SCHIP1: variants seen among roughly 807,000 people sequenced by gnomAD.
The protein encoded by SCHIP1 is schwannomin interacting protein 1.
Under a neutral mutation model 29.7 loss-of-function variants are expected in SCHIP1, and 8 were observed. That is an observed-to-expected ratio of 0.27 (90% CI 0.16 to 0.49). SCHIP1 has a LOEUF of 0.49. SCHIP1 is among the 20% of genes least tolerant of loss of function. SCHIP1 has a pLI of 0.99. For missense variants in SCHIP1, 193 were observed against 294.6 expected (o/e 0.66, Z 2.52); for synonymous variants, 76 against 94.9 (o/e 0.80, Z 1.16).
the SCHIP1 span, among the ~76,000 whole-genome samples, chr3:159,398,294 C>T: frequency 2.0e-5 from 3 of 152,236 alleles, no homozygotes; most frequent in African/African-American, 7.2e-5. Context: ...TTCTGCGTCG[C>T]TCATGCTGGG....
the SCHIP1 span, among the ~76,000 whole-genome samples, chr3:159,734,182 G>A: frequency 7.3e-5 from 9 of 124,114 alleles, no homozygotes; most frequent in Admixed American, 2.0e-4. Context: ...TTGCTCTGTC[G>A]CCCAGACTGG....
At chr3:159,369,042 C>T in the SCHIP1 span, among the ~76,000 whole-genome samples, 1 of 152,190 alleles carries the variant, frequency 6.6e-6, no homozygotes, top group Non-Finnish European at 1.5e-5. Flanking sequence ...GTGATGGTAT[C>T]TGGGGCTAGG....
the SCHIP1 span, chr3:159,398,954 T>C: frequency 2.0e-6 from 2 of 984,138 alleles, no homozygotes; most frequent in Non-Finnish European, 1.2e-6. Context: ...TTCAAACAAG[T>C]GTGGGCAATT....
At chr3:159,524,122 C>A in the SCHIP1 span, among the ~76,000 whole-genome samples, 1 of 152,126 alleles carries the variant, frequency 6.6e-6, no homozygotes, top group African/African-American at 2.4e-5. Flanking sequence ...CTCTTATGTT[C>A]GTCAAGGATT....
upstream of SCHIP1, among the ~76,000 whole-genome samples, chr3:159,835,728 C>G (rs1175906663): frequency 6.6e-6 from 1 of 152,148 alleles, no homozygotes; most frequent in Non-Finnish European, 1.5e-5. Context: ...ACTTAATCAA[C>G]TCACACAGCT....
chr3:159,668,376 C>CAAAAAAAAAAAAAAAAAAAA, the SCHIP1 span, among the ~76,000 whole-genome samples: 180 of 46,384 alleles, frequency 3.9e-3, 9 homozygotes, highest in African/African-American at 0.016. Context: ...GACTCCGTCT[C>CAAAAAAAAAAAAAAAAAAAA]AAAAAAAAAA....
intron 3 of SCHIP1, 161 bp from the exon 5 acceptor site, chr3:159,887,547 T>C (rs900205546): frequency 2.7e-6 from 2 of 743,846 alleles, no homozygotes; most frequent in Non-Finnish European, 4.5e-6. Context: ...CTAGACCCTT[T>C]TTCTGTTACT....
At chr3:159,617,348 T>C in the SCHIP1 span, among the ~76,000 whole-genome samples, 1 of 152,202 alleles carries the variant, frequency 6.6e-6, no homozygotes, top group Non-Finnish European at 1.5e-5. Context: ...CCCCTTTCTT[T>C]CTGCAAGCAA....
chr3:159,526,271 C>G, the SCHIP1 span, among the ~76,000 whole-genome samples: 1 of 152,118 alleles, frequency 6.6e-6, no homozygotes, highest in Non-Finnish European at 1.5e-5. Context: ...TGGGCTCAAG[C>G]GATCATCCCA....
the SCHIP1 span, among the ~76,000 whole-genome samples, chr3:159,780,170 G>A: frequency 2.6e-4 from 40 of 152,288 alleles, no homozygotes; most frequent in Admixed American, 8.5e-4. Context: ...AAGAGCTCCC[G>A]GGAAATTTAT....
chr3:159,732,235 A>G, the SCHIP1 span, among the ~76,000 whole-genome samples: 2 of 152,378 alleles, frequency 1.3e-5, no homozygotes, highest in South Asian at 4.1e-4. Flanking sequence ...GAAGCCTGGC[A>G]GGCAATGTCA....
At chr3:159,472,058 G>A in the SCHIP1 span, among the ~76,000 whole-genome samples, 4 of 152,216 alleles carry the variant, frequency 2.6e-5, no homozygotes, top group South Asian at 4.1e-4. Context: ...AAACCTTATA[G>A]CAGTGGGAAA....
the SCHIP1 span, among the ~76,000 whole-genome samples, chr3:159,721,297 C>A: frequency 6.6e-6 from 1 of 152,162 alleles, no homozygotes; most frequent in Non-Finnish European, 1.5e-5. Flanking sequence ...TTAGGGCCCA[C>A]AAGAATAGAG....
the SCHIP1 span, among the ~76,000 whole-genome samples, chr3:159,359,827 A>T: frequency 6.6e-6 from 1 of 152,218 alleles, no homozygotes; most frequent in African/African-American, 2.4e-5. Context: ...ATCCTCCTGT[A>T]AAAGAACAAC....
the SCHIP1 span, among the ~76,000 whole-genome samples, chr3:159,603,354 G>T: frequency 6.6e-6 from 1 of 152,124 alleles, no homozygotes; most frequent in Admixed American, 6.5e-5. Flanking sequence ...AGACATGATT[G>T]ATTAAATCAC....
the SCHIP1 span, among the ~76,000 whole-genome samples, chr3:159,460,219 G>T: frequency 6.6e-6 from 1 of 152,172 alleles, no homozygotes; most frequent in South Asian, 2.1e-4. Flanking sequence ...CCATGCCTTT[G>T]TCTGAACAGT....
the SCHIP1 span, among the ~76,000 whole-genome samples, chr3:159,491,692 A>G: frequency 6.6e-6 from 1 of 152,246 alleles, no homozygotes; most frequent in Non-Finnish European, 1.5e-5. Context: ...GGGCACAGAC[A>G]AAAGACAGCA....
the SCHIP1 span, among the ~76,000 whole-genome samples, chr3:159,450,372 G>A: frequency 3.3e-5 from 5 of 152,156 alleles, no homozygotes; most frequent in Non-Finnish European, 7.3e-5. Flanking sequence ...GGAATTGCGT[G>A]TTACATTGAT....
At chr3:159,279,414 T>C in the SCHIP1 span, among the ~76,000 whole-genome samples, 1 of 152,228 alleles carries the variant, frequency 6.6e-6, no homozygotes, top group Admixed American at 6.5e-5. Context: ...GTCTCGGATA[T>C]TTCTTCATAG....
Sources: gnomAD v4.1 joint callset for allele counts (sites outside exome capture counted in the v4.1 genomes callset) on GRCh38, gnomAD v4.1.1 for gene constraint, MANE v1.5 for transcripts, NCBI Gene and HGNC (gene_info 2026-07-23, HGNC 2026-07-21) for gene names.